Variants in ATP9B observed in about 807,000 individuals in gnomAD.
ATP9B encodes the protein ATPase phospholipid transporting 9B.
Under a neutral mutation model 146.1 loss-of-function variants are expected in ATP9B, and 110 were observed. That is an observed-to-expected ratio of 0.75 (90% CI 0.65 to 0.88). The LOEUF is 0.88. ATP9B is among the 40% of genes least tolerant of loss of function. The pLI is 0.00. For synonymous variants in ATP9B, 604 were observed against 569.7 expected (o/e 1.06, Z -0.86); for missense variants, 1,499 against 1,496.4 (o/e 1.00, Z -0.03).
chr18:79,347,717 C>A, intron 23 of ATP9B, 53 bp from the exon 24 acceptor site: 1 of 1,486,416 alleles, frequency 6.7e-7, no homozygotes, highest in South Asian at 1.4e-5. Flanking sequence ...CTTTTGGAGT[C>A]TGATTTCCAG....
chr18:79,116,939 T>TAAAAAAAAAAAAAAAAAAAAAAAAAAA (rs2094091025), intron 4 of ATP9B, among the ~76,000 whole-genome samples: 1 of 77,982 alleles, frequency 1.3e-5, no homozygotes, highest in Admixed American at 1.2e-4. Flanking sequence ...AAAAAAAAAA[T>TAAAAAAAAAAAAAAAAAAAAAAAAAAA]TAAAAAAAAA....
intron 9 of ATP9B, among the ~76,000 whole-genome samples, chr18:79,196,507 T>C (rs1012855270): frequency 2.6e-5 from 4 of 151,998 alleles, no homozygotes; most frequent in Non-Finnish European, 2.9e-5. Context: ...GCTACGTGGG[T>C]GTTAAGGCAG....
chr18:79,181,649 A>G lies in ATP9B; in HGVS notation c.873+4742A>G, dbSNP rs142440681. On this transcript the variant is annotated intron_variant, in intron 8 of 29. Coordinates refer to ENST00000426216, the MANE Select transcript of ATP9B (RefSeq NM_198531.5). ...TTTTGATAGTATCTGTTGCTCTGTC[A>G]TTAAATTCACTAACATTTATCTTTT... 5.0e-3 allele frequency among the ~76,000 whole-genome samples: 753 copies of G among 152,006 alleles called. 7 individuals are homozygous for G. The highest frequency in any genetic ancestry group is 0.015 in the Admixed American group (235 of 15,270).
At chr18:79,100,832 A>C (rs1465252546) in intron 2 of ATP9B, among the ~76,000 whole-genome samples, 1 of 152,194 alleles carries the variant, frequency 6.6e-6, no homozygotes, top group Non-Finnish European at 1.5e-5. Flanking sequence ...GGCAGCAGGC[A>C]AAGAGAGCTT....
At chr18:79,164,002 T>A (rs1275057859) in intron 7 of ATP9B, among the ~76,000 whole-genome samples, 1 of 151,984 alleles carries the variant, frequency 6.6e-6, no homozygotes, top group African/African-American at 2.4e-5. Flanking sequence ...CACTGCAGTC[T>A]CGAACTCCTG....
chr18:79,156,821 C>T (rs1470906084), intron 7 of ATP9B, among the ~76,000 whole-genome samples: 1 of 152,040 alleles, frequency 6.6e-6, no homozygotes, highest in Non-Finnish European at 1.5e-5. Context: ...TTTTGCAGTC[C>T]AGTGGGTAGG....
At chr18:79,212,894 A>G (rs934387415) in intron 10 of ATP9B, among the ~76,000 whole-genome samples, 8 of 152,214 alleles carry the variant, frequency 5.3e-5, no homozygotes, top group African/African-American at 1.4e-4. Context: ...AGAGAAATAT[A>G]TATAATCTCC....
intron 13 of ATP9B, among the ~76,000 whole-genome samples, chr18:79,283,225 C>T (rs759067198): frequency 2.0e-5 from 3 of 152,208 alleles, no homozygotes; most frequent in Non-Finnish European, 4.4e-5. Flanking sequence ...GCCTCAGTCA[C>T]AGCAGAGGTT....
chr18:79,324,572 A>G (rs1226848006), intron 15 of ATP9B, among the ~76,000 whole-genome samples: 1 of 152,122 alleles, frequency 6.6e-6, no homozygotes, highest in East Asian at 1.9e-4. Context: ...TTCTTCAGCC[A>G]GCGCTGTGGG....
chr18:79,305,499 A>G (rs1344703540), intron 14 of ATP9B, among the ~76,000 whole-genome samples: 1 of 152,212 alleles, frequency 6.6e-6, no homozygotes, highest in Non-Finnish European at 1.5e-5. Context: ...GTAACCTAGG[A>G]TATTTATTAA....
intron 26 of ATP9B, among the ~76,000 whole-genome samples, chr18:79,371,404 G>T (rs1051605653): frequency 5.6e-5 from 8 of 142,200 alleles, no homozygotes; most frequent in Non-Finnish European, 9.1e-5. Context: ...AAAAAAAACA[G>T]TAGTGCTTCT....
intron 11 of ATP9B, among the ~76,000 whole-genome samples, chr18:79,250,596 A>G (rs530551792): frequency 3.3e-5 from 5 of 152,268 alleles, no homozygotes; most frequent in African/African-American, 7.2e-5. Context: ...CCAAAAACCT[A>G]TTTTTCTCAA....
At chr18:79,307,595 A>G (rs1230624281) in intron 15 of ATP9B, among the ~76,000 whole-genome samples, 1 of 152,228 alleles carries the variant, frequency 6.6e-6, no homozygotes, top group African/African-American at 2.4e-5. Context: ...ATGGCTATGG[A>G]TTCCGTGTCC....
At chr18:79,307,336 T>C in intron 15 of ATP9B, 102 bp downstream of exon 15, 1 of 1,512,816 alleles carries the variant, frequency 6.6e-7, no homozygotes, top group Non-Finnish European at 8.9e-7. Context: ...AGGAGCAGTT[T>C]ATCGTAGCTT....
chr18:79,190,302 T>TA (rs911962326), intron 8 of ATP9B, among the ~76,000 whole-genome samples: 3 of 151,742 alleles, frequency 2.0e-5, no homozygotes, highest in Admixed American at 1.3e-4. Flanking sequence ...TTTAAACATT[T>TA]AAAAAAAAAT....
At chr18:79,201,822 G>C (rs888177069) in intron 9 of ATP9B, among the ~76,000 whole-genome samples, 2 of 152,132 alleles carry the variant, frequency 1.3e-5, no homozygotes, top group Non-Finnish European at 2.9e-5. Context: ...GCCTCCCAAA[G>C]TGCTGGGATT....
chr18:79,127,311 A>G (rs1409647753), intron 5 of ATP9B, among the ~76,000 whole-genome samples: 1 of 152,122 alleles, frequency 6.6e-6, no homozygotes, highest in East Asian at 1.9e-4. Flanking sequence ...TACTTTTGAC[A>G]TTCTCAGAAG....
chr18:79,209,570 T>A (rs1004298189), intron 10 of ATP9B: 2 of 776,264 alleles, frequency 2.6e-6, no homozygotes, highest in African/African-American at 3.8e-5. Flanking sequence ...CCTTGGCAAG[T>A]GGGCCCGACT....
intron 26 of ATP9B, chr18:79,363,345 G>C (rs2097001621): frequency 5.3e-5 from 1 of 18,760 alleles, no homozygotes; most frequent in African/African-American, 2.4e-4. Context: ...ATTGAGGAAA[G>C]AAACTGTAAA....
Sources: allele counts gnomAD v4.1 joint callset (sites outside exome capture counted in the v4.1 genomes callset), GRCh38; gene constraint gnomAD v4.1.1; transcripts MANE v1.5; gene names NCBI Gene and HGNC (gene_info 2026-07-23, HGNC 2026-07-21).